The following SLC2A1 variants were observed in gnomAD, a reference collection of about 807,000 sequenced individuals.
SLC2A1 encodes solute carrier family 2, facilitated glucose transporter member 1.
A neutral mutation model predicts 46.6 loss-of-function variants in SLC2A1; 4 were observed. The ratio of observed to expected loss-of-function variants is 0.09; its 90% CI spans 0.04 to 0.20. SLC2A1 has a LOEUF of 0.20. Ranked by LOEUF, SLC2A1 falls within the 10% of genes least tolerant of loss-of-function variation. The pLI, the probability that SLC2A1 is intolerant of heterozygous loss-of-function variation, is 1.00. For synonymous variants in SLC2A1, 253 were observed against 270.0 expected (o/e 0.94, Z 0.62); for missense variants, 352 against 667.0 (o/e 0.53, Z 5.20).
At chr1:42,942,001 T>C (rs560167043) in intron 2 of SLC2A1, among the ~76,000 whole-genome samples, 13 of 152,324 alleles carry the variant, frequency 8.5e-5, no homozygotes, top group Non-Finnish European at 1.8e-4. Context: ...TGTCTGCCTA[T>C]TTGGAAGAAG....
chr1:42,938,618 A>C (rs1643566678), intron 2 of SLC2A1, among the ~76,000 whole-genome samples: 1 of 152,208 alleles, frequency 6.6e-6, no homozygotes, highest in South Asian at 2.1e-4. Flanking sequence ...TGGCCAACCC[A>C]ATGCTGTTTC....
At chr1:42,958,048 G>C (rs113028814) in intron 1 of SLC2A1, among the ~76,000 whole-genome samples, 1 of 152,204 alleles carries the variant, frequency 6.6e-6, no homozygotes, top group Non-Finnish European at 1.5e-5. Flanking sequence ...CCTCGGCCTC[G>C]GCCTCGTCAC....
chr1:42,940,531 C>T (rs917223730), intron 2 of SLC2A1, among the ~76,000 whole-genome samples: 5 of 152,184 alleles, frequency 3.3e-5, no homozygotes, highest in Non-Finnish European at 1.5e-5. Context: ...TTTAGAGATA[C>T]CAGCTCTTGT....
At position 42,929,470 on chromosome 1, in the gene SLC2A1, G is replaced by T. The variant is rs1448980677; in HGVS notation, c.867+123C>A. 2 of 1,149,374 alleles carry T rather than the reference G, an allele frequency of 1.7e-6. No individual in the cohort carries two copies. The highest frequency in any genetic ancestry group is 1.9e-5 in the Admixed American group (1 of 53,518). 71.2% of individuals were successfully genotyped at this position (1,149,374 alleles called of 1,614,324 possible). On this transcript the variant is annotated intron_variant, in intron 6 of 9. Transcript: ENST00000426263. This position sits in a 1 kb window ranked among gnomAD's most constrained non-coding sequence, Gnocchi z 6.0. ...CACTGCAGTGACCTTACGGGCTTGG[G>T]GTCTAAAGGGAAACTTCTTCGGCAG...
chr1:42,944,238 C>T (rs772036660), intron 1 of SLC2A1, among the ~76,000 whole-genome samples: 2 of 152,154 alleles, frequency 1.3e-5, no homozygotes, highest in African/African-American at 2.4e-5. Context: ...CCTAAGGCAG[C>T]AGGAAGGGCA....
chr1:42,927,004 C>G lies in SLC2A1; in HGVS notation c.*37G>C. ...CTGTGCTCCTGAGAGATCCTTAGGG[C>G]TGCTGGGAGCAGGCCGGGCTGGTGA... is the stretch of plus-strand genomic sequence containing the variant. On this transcript the variant is annotated 3_prime_UTR_variant, in exon 10 of 10. Coordinates refer to ENST00000426263, the MANE Select transcript of SLC2A1 (RefSeq NM_006516.4). This position sits in a 1 kb window ranked among gnomAD's most constrained non-coding sequence, Gnocchi z 5.3. 6.2e-7 allele frequency: 1 copy of G among 1,607,688 alleles called. No individual in the cohort carries two copies. Among genetic ancestry groups the G allele is most frequent in the Non-Finnish European group, 8.5e-7 (1 of 1,175,410 alleles).
chr1:42,934,270 C>A (rs1643520808), intron 2 of SLC2A1, among the ~76,000 whole-genome samples: 1 of 152,174 alleles, frequency 6.6e-6, no homozygotes, highest in African/African-American at 2.4e-5. Flanking sequence ...CCTAGCTGCT[C>A]TGTTACTCAG....
At chr1:42,957,473 C>T (rs1259431508) in intron 1 of SLC2A1, among the ~76,000 whole-genome samples, 1 of 152,146 alleles carries the variant, frequency 6.6e-6, no homozygotes, top group Admixed American at 6.5e-5. Context: ...CAGTGCTACC[C>T]CCGCGTCCCA....
chr1:42,958,552 G>A, intron 1 of SLC2A1, 82 bp downstream of exon 1: 1 of 1,225,244 alleles, frequency 8.2e-7, no homozygotes, highest in Non-Finnish European at 1.1e-6. Context: ...GCGGGGCGGC[G>A]GGGGAGGCCC....
At chr1:42,953,121 T>C (rs189503001) in intron 1 of SLC2A1, among the ~76,000 whole-genome samples, 2 of 152,280 alleles carry the variant, frequency 1.3e-5, no homozygotes, top group East Asian at 1.9e-4. Flanking sequence ...CTAGGAGACA[T>C]AGGCAGACTT....
chr1:42,931,142 G>C lies in SLC2A1; in HGVS notation c.179C>G (p.Thr60Arg), dbSNP rs142986731. ...HRYGESILPT[T>R]LTTLWSLSVA... ...TGAGAGGGACCAGAGCGTGGTGAGC[G>C]TGGTGGGCAGGATGCTCTCCCCATA... is the stretch of plus-strand genomic sequence containing the variant. The change falls in exon 3 of 10, where the codon ACG (threonine) becomes AGG (arginine). Residue 60 changes from threonine to arginine, a missense_variant. Transcript: ENST00000426263. 2 of 1,614,176 alleles carry C rather than the reference G, an allele frequency of 1.2e-6. No individual in the cohort carries two copies. The highest frequency in any genetic ancestry group is 1.7e-6 in the Non-Finnish European group (2 of 1,180,006).
chr1:42,942,125 G>A (rs1452146975), intron 2 of SLC2A1, among the ~76,000 whole-genome samples: 1 of 152,244 alleles, frequency 6.6e-6, no homozygotes, highest in African/African-American at 2.4e-5. Flanking sequence ...GTCCTGACGT[G>A]AGGACTGCCC....
intron 2 of SLC2A1, among the ~76,000 whole-genome samples, chr1:42,935,549 C>A (rs935457436): frequency 5.9e-5 from 9 of 152,290 alleles, no homozygotes; most frequent in African/African-American, 2.2e-4. Flanking sequence ...TCGGAGGAGC[C>A]TTAGGGACAA....
At chr1:42,934,255 C>T (rs568422068) in intron 2 of SLC2A1, among the ~76,000 whole-genome samples, 17 of 152,242 alleles carry the variant, frequency 1.1e-4, no homozygotes, top group Admixed American at 2.6e-4. Flanking sequence ...GGCTCCTGGA[C>T]GCTGCCTAGC....
chr1:42,958,626 C>A lies in SLC2A1; in HGVS notation c.18+8G>T, dbSNP rs1002980548. On this transcript the variant is annotated splice_region_variant and intron_variant, in intron 1 of 9. Coordinates refer to ENST00000426263, the MANE Select transcript of SLC2A1 (RefSeq NM_006516.4). ...CCTGGCGGGAGGGCCCGCGGGCGCGCGACTCACCTTGCTGCTGGGCTCCAT... is the reference window on the plus strand; with the variant it reads ...CCTGGCGGGAGGGCCCGCGGGCGCGAGACTCACCTTGCTGCTGGGCTCCAT... 1 of 1,526,994 alleles carries A rather than the reference C, an allele frequency of 6.5e-7. No homozygotes were observed. The highest frequency in any genetic ancestry group is 8.8e-7 in the Non-Finnish European group (1 of 1,142,268). 94.6% of individuals were successfully genotyped at this position (1,526,994 alleles called of 1,614,324 possible).
intron 2 of SLC2A1, among the ~76,000 whole-genome samples, chr1:42,941,895 A>C (rs1340790855): frequency 3.9e-5 from 6 of 152,332 alleles, no homozygotes; most frequent in African/African-American, 1.4e-4. Context: ...CAAACTTGGA[A>C]AAGTCCTGTC....
At chr1:42,940,441 C>T (rs1325912032) in intron 2 of SLC2A1, among the ~76,000 whole-genome samples, 14 of 152,328 alleles carry the variant, frequency 9.2e-5, no homozygotes, top group African/African-American at 3.1e-4. Flanking sequence ...AGGACACGGC[C>T]GTGGACAAAC....
At chr1:42,944,680 GA>G (rs1004810697) in intron 1 of SLC2A1, among the ~76,000 whole-genome samples, 1 of 152,222 alleles carries the variant, frequency 6.6e-6, no homozygotes, top group African/African-American at 2.4e-5. Context: ...CAGAGGCTGC[GA>G]AAGAGGAAGA....
chr1:42,956,284 ACGCC>A (rs1643772559), intron 1 of SLC2A1, among the ~76,000 whole-genome samples: 1 of 150,788 alleles, frequency 6.6e-6, no homozygotes, highest in Non-Finnish European at 1.5e-5. Context: ...GTGGTGGCTC[ACGCC>A]TGTAATCCCA....
Sources: allele counts gnomAD v4.1 joint callset (sites outside exome capture counted in the v4.1 genomes callset), GRCh38; gene constraint gnomAD v4.1.1; non-coding constraint Gnocchi (gnomAD v3.1); transcripts MANE v1.5; gene names NCBI Gene and HGNC (gene_info 2026-07-23, HGNC 2026-07-21).